Variants in RPS6KA1 observed in about 807,000 individuals in gnomAD.
RPS6KA1 encodes ribosomal protein S6 kinase A1.
A neutral mutation model predicts 91.3 loss-of-function variants in RPS6KA1; 48 were observed. The ratio of observed to expected loss-of-function variants is 0.53; its 90% CI spans 0.42 to 0.67. The LOEUF is 0.67. RPS6KA1 is among the 30% of genes least tolerant of loss of function. RPS6KA1 has a pLI of 0.00. For missense variants in RPS6KA1, 719 were observed against 960.5 expected, an observed-to-expected ratio of 0.75 and a Z score of 3.32; for synonymous variants, 359 against 384.7, an observed-to-expected ratio of 0.93 and a Z score of 0.78.
intron 1 of RPS6KA1, among the ~76,000 whole-genome samples, chr1:26,532,999 A>G (rs1267643347): frequency 2.0e-5 from 3 of 152,204 alleles, no homozygotes; most frequent in Non-Finnish European, 4.4e-5. Flanking sequence ...CTTAGGTGAT[A>G]AGTACTATTT....
At position 26,558,824 on chromosome 1, in the gene RPS6KA1, C is replaced by G. The variant is rs138168136; in HGVS notation, c.1102C>G (p.Pro368Ala). The G allele has an allele frequency of 1.9e-6, 3 of 1,611,208 alleles. No homozygotes were observed. Among genetic ancestry groups the G allele is most frequent in the East Asian group, 2.2e-5 (1 of 44,772 alleles). The change falls in exon 14 of 22, where the codon CCC becomes GCC. Residue 368 changes from proline (P) to alanine (A), a missense_variant. Pro to Ala is a conservative substitution (Grantham distance 27, BLOSUM62 -1). Around this residue, in one of 5 missense-constraint regions of RPS6KA1, gnomAD observed 228 missense variants for 247.6 expected, o/e 0.92. Transcript: ENST00000374168. The surrounding 1 kb of genome is among the most constrained non-coding windows in gnomAD (Gnocchi z 4.0). Reference sequence around the variant, plus strand: ...CCGTACAGATTCCCCAGGCATCCCCCCCAGCGCTGGGGCCCATCAGCTGTT... The same window carrying G: ...CCGTACAGATTCCCCAGGCATCCCCGCCAGCGCTGGGGCCCATCAGCTGTT... ...RTPKDSPGIP[P>A]SAGAHQLFRG... is the part of the protein sequence containing the mutation.
At chr1:26,573,759 G>A (rs980789341) in intron 21 of RPS6KA1, among the ~76,000 whole-genome samples, 7 of 152,028 alleles carry the variant, frequency 4.6e-5, no homozygotes, top group African/African-American at 1.7e-4. Flanking sequence ...CCAAGATGGT[G>A]AAACCCCATC....
At chr1:26,535,038 G>C (rs953444092) in intron 1 of RPS6KA1, among the ~76,000 whole-genome samples, 5 of 151,910 alleles carry the variant, frequency 3.3e-5, no homozygotes, top group Admixed American at 2.0e-4. Context: ...CAGGGAGCTG[G>C]TGGGTAGGCT....
intron 2 of RPS6KA1, among the ~76,000 whole-genome samples, chr1:26,538,116 G>A (rs964115055): frequency 1.3e-5 from 2 of 152,168 alleles, no homozygotes; most frequent in Non-Finnish European, 2.9e-5. Flanking sequence ...GGGCAGGTGA[G>A]GGAAGTATTC....
rs1436607968 is a variant in RPS6KA1 at position 26,558,732 on chromosome 1, T to C, written c.1085-75T>C. ...TGAGGCAGGTCTGGAGGCCCTGTGC[T>C]CCCCCTTTGCTGGGCTGCCTCAGGG... On this transcript the variant is annotated intron_variant, in intron 13 of 21. Transcript: ENST00000374168. This position sits in a 1 kb window ranked among gnomAD's most constrained non-coding sequence, Gnocchi z 4.0. 2.6e-6 allele frequency: 4 copies of C among 1,524,812 alleles called. No individual in the cohort carries two copies. The East Asian group carries it at 9.2e-5, about 35-fold the overall frequency. The allele number at this position is 1,524,812 out of a possible 1,614,324, so 94.5% of individuals were successfully genotyped here. A position where few individuals can be genotyped will look rare whatever the true frequency, so the allele number is the denominator to read the frequency against.
intron 1 of RPS6KA1, among the ~76,000 whole-genome samples, chr1:26,533,141 G>A (rs775311271): frequency 1.1e-4 from 16 of 152,116 alleles, no homozygotes; most frequent in Non-Finnish European, 2.1e-4. Context: ...GTGCAGTGGC[G>A]TGATCTCGGC....
chr1:26,554,153 G>A lies in RPS6KA1; in HGVS notation c.576-61G>A, dbSNP rs1422381405. On this transcript the variant is annotated intron_variant, in intron 7 of 21. Coordinates refer to ENST00000374168, the MANE Select transcript of RPS6KA1 (RefSeq NM_002953.4). This position sits in a 1 kb window ranked among gnomAD's most constrained non-coding sequence, Gnocchi z 4.6. ...TGAACCCAACTCCCACAGCCCTGTGGTAACACCATCACCCACACGGCCACA... is the reference window on the plus strand; with the variant it reads ...TGAACCCAACTCCCACAGCCCTGTGATAACACCATCACCCACACGGCCACA... 35 of 1,529,646 alleles carry A rather than the reference G, an allele frequency of 2.3e-5. No individual in the cohort carries two copies. Among genetic ancestry groups the A allele is most frequent in the Non-Finnish European group, 2.9e-5 (33 of 1,130,226 alleles). The allele number at this position is 1,529,646 out of a possible 1,614,324, so 94.8% of individuals were successfully genotyped here.
Position 26,561,415 on chromosome 1 carries a change from A to G in RPS6KA1, c.1432-90A>G, listed in dbSNP as rs987935805. The G allele has an allele frequency of 3.9e-6, 6 of 1,537,054 alleles. No individual in the cohort carries two copies. In the African/African-American group the frequency reaches 5.4e-5, roughly 14 times the overall value. ...CAAGCAGAACACCTGCCCAAGGCTC[A>G]TGTCATTCTTCCCTGCTCTGGGGCG... On this transcript the variant is annotated intron_variant, in intron 16 of 21. Coordinates refer to ENST00000374168, the MANE Select transcript of RPS6KA1 (RefSeq NM_002953.4). The surrounding 1 kb of genome is among the most constrained non-coding windows in gnomAD (Gnocchi z 5.7).
chr1:26,555,139 T>A lies in RPS6KA1; in HGVS notation c.757-12T>A. ...AGGGATCAGAGCCTGAATAGATCCT[T>A]GTCCTCTGCAGTTTGAGATGCTGAC... On this transcript the variant is annotated splice_polypyrimidine_tract_variant and intron_variant, in intron 9 of 21. Transcript: ENST00000374168. The surrounding 1 kb of genome is among the most constrained non-coding windows in gnomAD (Gnocchi z 4.3). 1 of 1,613,726 alleles carries A rather than the reference T, an allele frequency of 6.2e-7. No individual in the cohort carries two copies. The highest frequency in any genetic ancestry group is 8.5e-7 in the Non-Finnish European group (1 of 1,179,690).
In RPS6KA1 at chr1:26,573,325, A is replaced by G. The variant is rs145893180; in HGVS notation, c.2049A>G (p.Gln683=). The change falls in exon 21 of 22, where the codon CAA becomes CAG. Residue 683 remains glutamine (Q), a synonymous_variant. Coordinates refer to ENST00000374168, the MANE Select transcript of RPS6KA1 (RefSeq NM_002953.4). ...TCACCCAGAAAGACAAGCTTCCCCA[A>G]AGCCAGCTGTCCCACCAGGACCTAC... The part of the protein sequence containing the change: ...PWVTQKDKLP[Q]SQLSHQDLQL... 7.5e-4 allele frequency: 1,206 copies of G among 1,614,186 alleles called. 1 individual carries two copies. Among genetic ancestry groups the G allele is most frequent in the Non-Finnish European group, 9.7e-4 (1,146 of 1,180,014 alleles).
Position 26,551,226 on chromosome 1 carries a change from A to C in RPS6KA1, c.308-171A>C, listed in dbSNP as rs1213977825. Among the ~76,000 whole-genome samples, 1 of 152,148 alleles carries C rather than the reference A, an allele frequency of 6.6e-6. No individual in the cohort carries two copies. The highest frequency in any genetic ancestry group is 1.5e-5 in the Non-Finnish European group (1 of 68,010). On this transcript the variant is annotated intron_variant, in intron 4 of 21. Coordinates refer to ENST00000374168, the MANE Select transcript of RPS6KA1 (RefSeq NM_002953.4). This position sits in a 1 kb window ranked among gnomAD's most constrained non-coding sequence, Gnocchi z 4.5. ...AGGAGCCAGCCAAGGAGCCAGAAAC[A>C]GACTGGCAAGGAGGAAACCTGAGGA...
rs1298575469 is a variant in RPS6KA1, at chr1:26,554,832, C to T, written c.756+94C>T. On this transcript the variant is annotated intron_variant, in intron 9 of 21. Transcript: ENST00000374168. This position sits in a 1 kb window ranked among gnomAD's most constrained non-coding sequence, Gnocchi z 4.6. ...GAGGGGGTTGATCATTTCTAGGGCT[C>T]TCCCCGTCTCCTCTCACAGCCAAGC... 5 of 1,451,164 alleles carry T rather than the reference C, an allele frequency of 3.4e-6. No homozygotes were observed. In the African/African-American group the frequency reaches 7.1e-5, roughly 21 times the overall value. 89.9% of individuals were successfully genotyped at this position (1,451,164 alleles called of 1,614,324 possible).
At chr1:26,545,672 A>G (rs1318298552) in intron 2 of RPS6KA1, among the ~76,000 whole-genome samples, 4 of 152,204 alleles carry the variant, frequency 2.6e-5, no homozygotes, top group African/African-American at 7.2e-5. Flanking sequence ...GGATGGGGGA[A>G]CGGCCAGAGG....
At chr1:26,567,719 A>C (rs1426308199) in intron 17 of RPS6KA1, among the ~76,000 whole-genome samples, 1 of 152,116 alleles carries the variant, frequency 6.6e-6, no homozygotes, top group East Asian at 1.9e-4. Flanking sequence ...CTGTGTCTTA[A>C]CATCCAGCAT....
intron 13 of RPS6KA1, among the ~76,000 whole-genome samples, chr1:26,557,983 C>G (rs2076119947): frequency 6.6e-6 from 1 of 151,950 alleles, no homozygotes; most frequent in Admixed American, 6.6e-5. Flanking sequence ...CATGTGTCAG[C>G]ACGCCTGGCT....
chr1:26,570,006 A>T (rs1236718987), intron 17 of RPS6KA1, among the ~76,000 whole-genome samples: 1 of 152,102 alleles, frequency 6.6e-6, no homozygotes, highest in Non-Finnish European at 1.5e-5. Context: ...GGGGAGGAGG[A>T]GCAGGAAGAT....
chr1:26,548,923 C>T (rs888680095), intron 4 of RPS6KA1, among the ~76,000 whole-genome samples: 1 of 151,760 alleles, frequency 6.6e-6, no homozygotes, highest in Non-Finnish European at 1.5e-5. Context: ...CCAGCTCCTG[C>T]AGCCCTGTGT....
chr1:26,540,798 A>T lies in RPS6KA1; in HGVS notation c.108+3829A>T, dbSNP rs778271531. Among the ~76,000 whole-genome samples the T allele has an allele frequency of 6.0e-5, 9 of 150,748 alleles. No individual in the cohort carries two copies. The highest frequency in any genetic ancestry group is 1.2e-4 in the Non-Finnish European group (8 of 67,686). ...AGACCCATCCTCTACAAAAAACAAA[A>T]TTTTTTTTTGAGATGGAGTTTCACT... On this transcript the variant is annotated intron_variant, in intron 2 of 21. Coordinates refer to ENST00000374168, the MANE Select transcript of RPS6KA1 (RefSeq NM_002953.4). This position sits in a 1 kb window ranked among gnomAD's most constrained non-coding sequence, Gnocchi z 4.2.
At position 26,529,978 on chromosome 1, in the gene RPS6KA1, C is replaced by T; in HGVS notation, c.58C>T (p.Pro20Ser). ...WPLMELVPLD[P>S]ENGQTSGEEA... ...GCTCATGGAGCTAGTGCCTCTGGAC[C>T]CGGAGGTGAGTGAGCGGGGCGGGGG... The change falls in exon 1 of 22, where the codon CCG (proline) becomes TCG (serine). Residue 20 changes from proline (P) to serine (S), a missense_variant. By Grantham distance (74) the Pro-to-Ser change is moderately conservative. This residue lies in a region of RPS6KA1 where 57 missense variants were observed against 55.8 expected (regional missense o/e 1.02). Transcript: ENST00000374168. This position sits in a 1 kb window ranked among gnomAD's most constrained non-coding sequence, Gnocchi z 4.2. 1 of 1,410,136 alleles carries T rather than the reference C, an allele frequency of 7.1e-7. No homozygotes were observed. Among genetic ancestry groups the T allele is most frequent in the Non-Finnish European group, 9.3e-7 (1 of 1,080,996 alleles). The allele number at this position is 1,410,136 out of a possible 1,614,324, so 87.4% of individuals were successfully genotyped here.
Sources: gnomAD v4.1 joint callset for allele counts (sites outside exome capture counted in the v4.1 genomes callset) on GRCh38, gnomAD v4.1.1 for gene constraint, gnomAD v4.1.1 regional missense constraint, Gnocchi (gnomAD v3.1) non-coding constraint, MANE v1.5 for transcripts, NCBI Gene and HGNC (gene_info 2026-07-23, HGNC 2026-07-21) for gene names.